The following SCTR variants were observed in gnomAD, a reference collection of about 807,000 sequenced individuals.
The protein encoded by SCTR is secretin receptor, also known as pancreatic secretin receptor.
In SCTR, 56 loss-of-function variants were observed where a neutral mutation model predicts 60.8. The ratio of observed to expected loss-of-function variants is 0.92; its 90% CI spans 0.74 to 1.15. The LOEUF is 1.15. Among genes scored for constraint, SCTR ranks in the 50% most tolerant of loss-of-function variants. SCTR has a pLI of 0.00. For synonymous variants in SCTR, 202 were observed against 217.0 expected (o/e 0.93, Z 0.61); for missense variants, 562 against 550.4 (o/e 1.02, Z -0.21).
At chr2:119,518,004 C>A (rs868767199) in intron 1 of SCTR, among the ~76,000 whole-genome samples, 2 of 152,002 alleles carry the variant, frequency 1.3e-5, no homozygotes, top group African/African-American at 4.8e-5. Context: ...GAAGAAATAC[C>A]AGAAAGGTGT....
At chr2:119,480,016 G>GT (rs1320718792) in intron 2 of SCTR, 1 of 152,236 alleles carries the variant, frequency 6.6e-6, no homozygotes, top group Non-Finnish European at 1.5e-5. Context: ...CTGCAACTCT[G>GT]TAAGTTCTAG....
chr2:119,500,864 C>A (rs78870628), intron 1 of SCTR, among the ~76,000 whole-genome samples: 2,463 of 152,158 alleles, frequency 0.016, 83 homozygotes, highest in African/African-American at 0.056. Flanking sequence ...TTCAAAATAG[C>A]TAGAAGACAA....
chr2:119,447,941 A>G (rs1682996062), intron 10 of SCTR, among the ~76,000 whole-genome samples: 1 of 152,164 alleles, frequency 6.6e-6, no homozygotes, highest in South Asian at 2.1e-4. Flanking sequence ...TTTACACTGA[A>G]GTCCTAGCCC....
Position 119,440,113 on chromosome 2 carries a change from C to A in SCTR, c.*4G>T, listed in dbSNP as rs1270313879. ...CTGTCCGTGGGTGACCCTGCTCCAG[C>A]CTCTCAGATGATGCTGGTCCTGCAG... On this transcript the variant is annotated 3_prime_UTR_variant, in exon 13 of 13. Transcript: ENST00000019103. The A allele has an allele frequency of 4.3e-6, 7 of 1,612,898 alleles. No homozygotes were observed. The African/African-American group carries it at 9.3e-5, about 22-fold the overall frequency.
intron 2 of SCTR, among the ~76,000 whole-genome samples, chr2:119,491,335 C>T (rs1346160787): frequency 6.6e-6 from 1 of 152,186 alleles, no homozygotes; most frequent in Non-Finnish European, 1.5e-5. Flanking sequence ...AGCAGGATCC[C>T]TCATGTCTGT....
intron 1 of SCTR, among the ~76,000 whole-genome samples, chr2:119,521,106 G>A (rs1214517913): frequency 6.6e-6 from 1 of 152,182 alleles, no homozygotes; most frequent in African/African-American, 2.4e-5. Flanking sequence ...CCAAATGTCA[G>A]TAGTGTGAAG....
chr2:119,466,604 T>TA (rs1683844896), intron 4 of SCTR, among the ~76,000 whole-genome samples: 2 of 152,066 alleles, frequency 1.3e-5, no homozygotes, highest in South Asian at 4.2e-4. Flanking sequence ...ATTTTAAAAT[T>TA]AGCCAGGCAC....
intron 1 of SCTR, among the ~76,000 whole-genome samples, chr2:119,507,663 C>CTTTTTTTTTTTTTTTCTTT (rs1678784986): frequency 8.7e-6 from 1 of 114,786 alleles, no homozygotes; most frequent in East Asian, 3.1e-4. Context: ...CTTTCTCGTT[C>CTTTTTTTTTTTTTTTCTTT]TTTTTTTTTT....
At chr2:119,466,582 T>C (rs1683844234) in intron 4 of SCTR, among the ~76,000 whole-genome samples, 1 of 151,992 alleles carries the variant, frequency 6.6e-6, no homozygotes, top group African/African-American at 2.4e-5. Flanking sequence ...CGAAACACTG[T>C]CTCTACAAAA....
In SCTR at chr2:119,447,549, A is replaced by G. The variant is rs550456004; in HGVS notation, c.1014-664T>C. Reference sequence around the variant, plus strand: ...ACCATGGAGAAGGTCTCTGGGGGACACTAATTTGTCCTGTTTTTGTTTTGT... The same window carrying G: ...ACCATGGAGAAGGTCTCTGGGGGACGCTAATTTGTCCTGTTTTTGTTTTGT... On this transcript the variant is annotated intron_variant, in intron 10 of 12. Coordinates refer to ENST00000019103, the MANE Select transcript of SCTR (RefSeq NM_002980.3). Among the ~76,000 whole-genome samples, 7 of 152,274 alleles carry G rather than the reference A, an allele frequency of 4.6e-5. No homozygotes were observed. The South Asian group carries it at 1.2e-3, about 27-fold the overall frequency.
At chr2:119,477,514 G>C (rs1037542482) in intron 3 of SCTR, among the ~76,000 whole-genome samples, 3 of 152,080 alleles carry the variant, frequency 2.0e-5, no homozygotes, top group African/African-American at 7.2e-5. Flanking sequence ...GCAGTGGCAC[G>C]AGCTCAGCTA....
chr2:119,473,233 C>T (rs1018435563), intron 4 of SCTR, among the ~76,000 whole-genome samples: 1 of 152,162 alleles, frequency 6.6e-6, no homozygotes, highest in Non-Finnish European at 1.5e-5. Context: ...GCCTGGGTTC[C>T]TCCTAACCAT....
intron 4 of SCTR, among the ~76,000 whole-genome samples, chr2:119,466,292 C>A (rs1223909030): frequency 6.6e-6 from 1 of 152,140 alleles, no homozygotes; most frequent in East Asian, 1.9e-4. Flanking sequence ...CTTGCACCAC[C>A]TATTGGTCCA....
chr2:119,511,428 C>T (rs1678927029), intron 1 of SCTR, among the ~76,000 whole-genome samples: 1 of 152,040 alleles, frequency 6.6e-6, no homozygotes, highest in Non-Finnish European at 1.5e-5. Context: ...AAATATTGTT[C>T]GCTGCTGAGT....
At chr2:119,474,525 T>C (rs934005969) in intron 3 of SCTR, among the ~76,000 whole-genome samples, 6 of 152,218 alleles carry the variant, frequency 3.9e-5, no homozygotes, top group African/African-American at 1.4e-4. Flanking sequence ...CCGGTGTAAG[T>C]GTTGCAGGGG....
chr2:119,508,159 A>G (rs564327290), intron 1 of SCTR, among the ~76,000 whole-genome samples: 2 of 152,268 alleles, frequency 1.3e-5, no homozygotes, highest in South Asian at 2.1e-4. Context: ...ATTCTGTCTC[A>G]TGCCCTTGAA....
At chr2:119,446,358 A>C (rs1014758328) in intron 11 of SCTR, among the ~76,000 whole-genome samples, 4 of 152,178 alleles carry the variant, frequency 2.6e-5, no homozygotes, top group Non-Finnish European at 5.9e-5. Flanking sequence ...CCCAGTGTGA[A>C]GATGAGGACA....
At chr2:119,518,061 G>A (rs1679169612) in intron 1 of SCTR, among the ~76,000 whole-genome samples, 1 of 152,148 alleles carries the variant, frequency 6.6e-6, no homozygotes, top group African/African-American at 2.4e-5. Context: ...AATGCCACAT[G>A]AGGACAAAGT....
chr2:119,459,600 G>A (rs2104793241), intron 7 of SCTR, among the ~76,000 whole-genome samples: 1 of 152,272 alleles, frequency 6.6e-6, no homozygotes, highest in South Asian at 2.1e-4. Flanking sequence ...GTGTCTGGCA[G>A]GCAAACAGGC....
Sources: allele counts gnomAD v4.1 joint callset (sites outside exome capture counted in the v4.1 genomes callset), GRCh38; gene constraint gnomAD v4.1.1; transcripts MANE v1.5; gene names NCBI Gene and HGNC (gene_info 2026-07-23, HGNC 2026-07-21).